Variants in PCNX2 observed in about 807,000 individuals in gnomAD.
PCNX2 encodes the protein pecanex-like protein 2.
Under a neutral mutation model 223.8 loss-of-function variants are expected in PCNX2, and 168 were observed. The ratio of observed to expected loss-of-function variants is 0.75; its 90% CI spans 0.66 to 0.85. The LOEUF is 0.85. Among genes scored for constraint, PCNX2 ranks in the 40% least tolerant of loss-of-function variants. PCNX2 has a pLI of 0.00. For missense variants in PCNX2, 2,507 were observed against 2,675.5 expected, an observed-to-expected ratio of 0.94 and a Z score of 1.39; for synonymous variants, 1,006 against 1,052.6, an observed-to-expected ratio of 0.96 and a Z score of 0.86.
chr1:233,295,482 G>T lies in PCNX2; in HGVS notation c.-4C>A. The T allele has an allele frequency of 6.5e-7, 1 of 1,546,984 alleles. No homozygotes were observed. Among genetic ancestry groups the T allele is most frequent in the South Asian group, 1.2e-5 (1 of 83,788 alleles). On this transcript the variant is annotated 5_prime_UTR_variant, in exon 1 of 34. Transcript: ENST00000258229. The surrounding 1 kb of genome is among the most constrained non-coding windows in gnomAD (Gnocchi z 4.1). ...GCTGCAGCACCTGGGACACCATGCCGGCTGCGCCCCGGGGCTGGTGAGCGC... is the reference window on the plus strand; with the variant it reads ...GCTGCAGCACCTGGGACACCATGCCTGCTGCGCCCCGGGGCTGGTGAGCGC...
At chr1:233,246,389 C>T (rs1381714088) in intron 8 of PCNX2, among the ~76,000 whole-genome samples, 3 of 152,162 alleles carry the variant, frequency 2.0e-5, no homozygotes, top group Admixed American at 6.5e-5. Context: ...GAGCTTGTGA[C>T]GCCATGGTGG....
Position 233,208,588 on chromosome 1 carries a change from G to A in PCNX2, c.2793C>T (p.Pro931=). The part of the protein sequence containing the change: ...LDTGAKARHP[P]SYVVYGLKLF... ...GCTTCAGGCCATACACAACGTAACT[G>A]GGAGGGTGCCTGGCTTTGGCCCCTG... The change falls in exon 13 of 34, where the codon CCC becomes CCT. Residue 931 remains proline (P), a synonymous_variant. Transcript: ENST00000258229. The A allele has an allele frequency of 6.2e-7, 1 of 1,613,838 alleles. No homozygotes were observed. The highest frequency in any genetic ancestry group is 2.2e-5 in the East Asian group (1 of 44,860).
chr1:233,261,348 AATAG>A (rs1407010445), intron 3 of PCNX2, 27 bp from the exon 4 acceptor site: 2 of 1,609,164 alleles, frequency 1.2e-6, no homozygotes, highest in Non-Finnish European at 1.7e-6. Flanking sequence ...AACAAAAATC[AATAG>A]ATGACTCAGC....
intron 10 of PCNX2, among the ~76,000 whole-genome samples, chr1:233,218,852 T>C (rs1409243312): frequency 6.6e-6 from 1 of 152,092 alleles, no homozygotes; most frequent in Admixed American, 6.5e-5. Context: ...CTGGTTCCTT[T>C]CAATGGAAGG....
chr1:233,192,074 C>T lies in PCNX2; in HGVS notation c.3066+6865G>A, dbSNP rs138887707. 2.6e-3 allele frequency among the ~76,000 whole-genome samples: 399 copies of T among 152,258 alleles called. 1 individual carries two copies. Among genetic ancestry groups the T allele is most frequent in the African/African-American group, 9.2e-3 (383 of 41,558 alleles). The stretch of plus-strand genomic sequence containing the variant: ...TGTTTTGTTTCATTTTCCTCTCTTC[C>T]TGTGTTTCAGACATGAGGTACCTCT... On this transcript the variant is annotated intron_variant, in intron 15 of 33. Coordinates refer to ENST00000258229, the MANE Select transcript of PCNX2 (RefSeq NM_014801.4).
intron 21 of PCNX2, among the ~76,000 whole-genome samples, chr1:233,127,816 T>C (rs1295040999): frequency 6.6e-6 from 1 of 152,212 alleles, no homozygotes; most frequent in East Asian, 1.9e-4. Flanking sequence ...TACCAAACAT[T>C]TGGTATCATT....
intron 17 of PCNX2, among the ~76,000 whole-genome samples, chr1:233,173,178 T>C (rs550781499): frequency 3.3e-5 from 5 of 152,170 alleles, no homozygotes; most frequent in African/African-American, 1.2e-4. Context: ...TTTTTTTTTT[T>C]TCTCTTTTTA....
intron 8 of PCNX2, chr1:233,250,479 GT>G: frequency 1.2e-6 from 1 of 832,162 alleles, no homozygotes; most frequent in Non-Finnish European, 1.4e-6. Context: ...ACATTATTAT[GT>G]TTATACAGAG....
intron 21 of PCNX2, among the ~76,000 whole-genome samples, chr1:233,120,044 G>A (rs1404258046): frequency 6.6e-6 from 1 of 151,402 alleles, no homozygotes; most frequent in Non-Finnish European, 1.5e-5. Flanking sequence ...GCACGCGCCT[G>A]TAGTCCCAGC....
chr1:233,265,604 A>C (rs1660290096), intron 1 of PCNX2, among the ~76,000 whole-genome samples: 1 of 152,246 alleles, frequency 6.6e-6, no homozygotes, highest in Non-Finnish European at 1.5e-5. Flanking sequence ...CAAGGCCCCT[A>C]TAAACACAAG....
intron 21 of PCNX2, among the ~76,000 whole-genome samples, chr1:233,129,208 G>A (rs878928736): frequency 1.1e-4 from 15 of 135,844 alleles, no homozygotes; most frequent in African/African-American, 2.5e-4. Flanking sequence ...GGCGGGCCCC[G>A]CACTCAGAGC....
intron 1 of PCNX2, among the ~76,000 whole-genome samples, chr1:233,286,206 C>T (rs1271719407): frequency 1.3e-5 from 2 of 152,202 alleles, no homozygotes; most frequent in African/African-American, 2.4e-5. Context: ...GTCCCATCCT[C>T]TTCCTCAGTC....
At chr1:233,156,364 A>T (rs948343510) in intron 19 of PCNX2, among the ~76,000 whole-genome samples, 3 of 152,228 alleles carry the variant, frequency 2.0e-5, no homozygotes, top group Non-Finnish European at 2.9e-5. Flanking sequence ...ATATGCACCA[A>T]GTTTAAAGTT....
chr1:233,317,896 G>A, the PCNX2 span, among the ~76,000 whole-genome samples: 1 of 152,208 alleles, frequency 6.6e-6, no homozygotes, highest in Admixed American at 6.5e-5. Context: ...TAACAAAGGC[G>A]AAGCCAAGAT....
chr1:232,993,431 G>A (rs2102785286), intron 32 of PCNX2, among the ~76,000 whole-genome samples: 1 of 152,324 alleles, frequency 6.6e-6, no homozygotes, highest in Middle Eastern at 3.4e-3. Context: ...CATTCACAAG[G>A]TGACCTGGCT....
chr1:233,024,941 A>G (rs1671028771), intron 26 of PCNX2, among the ~76,000 whole-genome samples: 1 of 152,222 alleles, frequency 6.6e-6, no homozygotes, highest in African/African-American at 2.4e-5. Context: ...GCCTAAGCTT[A>G]GGATATGACC....
intron 23 of PCNX2, chr1:233,087,064 C>T (rs1224723062): frequency 1.0e-5 from 10 of 985,224 alleles, no homozygotes; most frequent in Non-Finnish European, 1.2e-5. Context: ...AGGAGGTCTG[C>T]AGGTTTCAGG....
At chr1:233,025,646 T>C (rs909095873) in intron 25 of PCNX2, 2 of 541,334 alleles carry the variant, frequency 3.7e-6, no homozygotes, top group African/African-American at 1.9e-5. Flanking sequence ...AAAATTTTTA[T>C]GGAGATATGA....
chr1:233,036,230 G>T (rs1304254872), intron 25 of PCNX2, among the ~76,000 whole-genome samples: 9 of 152,106 alleles, frequency 5.9e-5, no homozygotes. Context: ...ACATAAGCTT[G>T]AAGGAACATT....
Sources: allele counts gnomAD v4.1 joint callset (sites outside exome capture counted in the v4.1 genomes callset), GRCh38; gene constraint gnomAD v4.1.1; non-coding constraint Gnocchi (gnomAD v3.1); transcripts MANE v1.5; gene names NCBI Gene and HGNC (gene_info 2026-07-23, HGNC 2026-07-21).